ADCK1: variants seen among roughly 807,000 people sequenced by gnomAD.
The protein encoded by ADCK1 is aarF domain-containing protein kinase 1.
A neutral mutation model predicts 52.3 loss-of-function variants in ADCK1; 41 were observed. The ratio of observed to expected loss-of-function variants is 0.78; its 90% CI spans 0.61 to 1.02. The LOEUF is 1.02. Among genes scored for constraint, ADCK1 ranks in the 50% least tolerant of loss-of-function variants. ADCK1 has a pLI of 0.00. For synonymous variants in ADCK1, 250 were observed against 274.6 expected (o/e 0.91, Z 0.89); for missense variants, 658 against 679.5 (o/e 0.97, Z 0.35).
chr14:77,803,482 C>A (rs768255626), intron 1 of ADCK1, among the ~76,000 whole-genome samples: 17 of 152,146 alleles, frequency 1.1e-4, no homozygotes, highest in Non-Finnish European at 2.4e-4. Context: ...GTCAAGGGGA[C>A]GGACATTTCG....
intron 7 of ADCK1, among the ~76,000 whole-genome samples, chr14:77,921,326 CAAAAAAAAAAA>C (rs756056466): frequency 0.046 from 1,915 of 41,258 alleles, 85 homozygotes; most frequent in African/African-American, 0.12. Context: ...GACTCTGTCT[CAAAAAAAAAAA>C]AAAAAAAAAA....
chr14:77,819,010 G>T lies in ADCK1; in HGVS notation c.32G>T (p.Trp11Leu). The T allele has an allele frequency of 6.2e-7, 1 of 1,614,148 alleles. No individual in the cohort carries two copies. The change falls in exon 2 of 11, where the codon TGG (tryptophan) becomes TTG (leucine). Residue 11 changes from tryptophan (W) to leucine (L), a missense_variant. Trp to Leu is a moderately conservative substitution (Grantham distance 61, BLOSUM62 -2). Coordinates refer to ENST00000238561, the MANE Select transcript of ADCK1 (RefSeq NM_020421.4). ...AGAAAGGCTCTCAAGCTTGCTTCGT[G>T]GACCAGCATGGCTCTTGCTGCCTCT... Reference protein sequence around the residue: MARKALKLASWTSMALAASGI... With the variant: MARKALKLASLTSMALAASGI...
chr14:77,832,066 C>T (rs949518218), intron 3 of ADCK1, among the ~76,000 whole-genome samples: 1 of 151,978 alleles, frequency 6.6e-6, no homozygotes, highest in Non-Finnish European at 1.5e-5. Context: ...CAGCCTCTAC[C>T]TTCCGGGTTC....
chr14:77,867,852 A>G (rs1249557901), intron 4 of ADCK1, among the ~76,000 whole-genome samples: 1 of 152,236 alleles, frequency 6.6e-6, no homozygotes, highest in East Asian at 1.9e-4. Context: ...ATGTTTAAAC[A>G]GGGATGATAA....
intron 3 of ADCK1, among the ~76,000 whole-genome samples, chr14:77,843,673 G>T (rs965465964): frequency 6.6e-6 from 1 of 152,090 alleles, no homozygotes; most frequent in Non-Finnish European, 1.5e-5. Flanking sequence ...GTTTGCTGAG[G>T]GCTTGCACAG....
In ADCK1 at chr14:77,829,774, A is replaced by G. The variant is rs535200193; in HGVS notation, c.219+7256A>G. On this transcript the variant is annotated intron_variant, in intron 3 of 10. Coordinates refer to ENST00000238561, the MANE Select transcript of ADCK1 (RefSeq NM_020421.4). ...CTTACACTCTAAAATAGTTAAGACC[A>G]CTGAAGCATTCATGAGCAGAGACAA... Among the ~76,000 whole-genome samples, 12 of 151,528 alleles carry G rather than the reference A, an allele frequency of 7.9e-5. 1 individual carries two copies. In the South Asian group the frequency reaches 1.7e-3, roughly 21 times the overall value.
chr14:77,926,011 C>T, intron 9 of ADCK1, 50 bp downstream of exon 9: 1 of 1,607,128 alleles, frequency 6.2e-7, no homozygotes, highest in Non-Finnish European at 8.5e-7. Context: ...GAAGGCAGGG[C>T]TAGAGGTGGC....
At chr14:77,813,750 C>T (rs1460516664) in intron 1 of ADCK1, among the ~76,000 whole-genome samples, 5 of 152,010 alleles carry the variant, frequency 3.3e-5, no homozygotes. Flanking sequence ...TTCAGCAAAG[C>T]CTCTCTTTGT....
At chr14:77,869,932 C>T (rs565022888) in intron 4 of ADCK1, among the ~76,000 whole-genome samples, 13 of 152,294 alleles carry the variant, frequency 8.5e-5, no homozygotes, top group East Asian at 1.9e-4. Flanking sequence ...GATGTTGTAC[C>T]GGGTTAAATA....
At chr14:77,801,892 G>C (rs562953148) in intron 1 of ADCK1, among the ~76,000 whole-genome samples, 1 of 152,184 alleles carries the variant, frequency 6.6e-6, no homozygotes, top group South Asian at 2.1e-4. Context: ...AGTGAGCCGA[G>C]ATCGTGTCAC....
At chr14:77,916,651 T>C (rs1434338786) in intron 7 of ADCK1, among the ~76,000 whole-genome samples, 4 of 152,202 alleles carry the variant, frequency 2.6e-5, no homozygotes, top group African/African-American at 9.6e-5. Context: ...GGTTTCACCA[T>C]GTTGCCCAGG....
intron 6 of ADCK1, among the ~76,000 whole-genome samples, chr14:77,907,403 A>T (rs1320726197): frequency 3.3e-5 from 5 of 152,246 alleles, no homozygotes; most frequent in Admixed American, 1.3e-4. Context: ...CCTGGGTGAA[A>T]TATTGGAGGC....
chr14:77,839,036 T>A (rs932338372), intron 3 of ADCK1, among the ~76,000 whole-genome samples: 2 of 152,044 alleles, frequency 1.3e-5, no homozygotes, highest in African/African-American at 4.8e-5. Flanking sequence ...ACACACAGAG[T>A]GGTCTCAGTG....
chr14:77,804,247 A>T lies in ADCK1; in HGVS notation c.-12+4077A>T, dbSNP rs368984715. Among the ~76,000 whole-genome samples, 7 of 152,246 alleles carry T rather than the reference A, an allele frequency of 4.6e-5. No homozygotes were observed. In the East Asian group the frequency reaches 7.7e-4, roughly 17 times the overall value. On this transcript the variant is annotated intron_variant, in intron 1 of 10. Transcript: ENST00000238561. ...GTGATTCATTAACAAAGGGTTTAAT[A>T]AGGAAAAATGTTTTCAATTGACAGA...
rs553307781 is a variant in ADCK1 at position 77,817,766 on chromosome 14, C to T, written c.-11-1202C>T. ...TTTTTTTTTTTTTGAGACGGAGTCT[C>T]GCTCTGTCACCCAGGCTGGAGTGCA... On this transcript the variant is annotated intron_variant, in intron 1 of 10. Transcript: ENST00000238561. 4.7e-5 allele frequency among the ~76,000 whole-genome samples: 7 copies of T among 150,492 alleles called. No homozygotes were observed. The East Asian group carries it at 9.8e-4, about 21-fold the overall frequency.
chr14:77,869,912 G>A (rs1367736667), intron 4 of ADCK1, among the ~76,000 whole-genome samples: 1 of 152,134 alleles, frequency 6.6e-6, no homozygotes, highest in Non-Finnish European at 1.5e-5. Context: ...GATTGACTTA[G>A]CCTAAGTCAG....
At position 77,800,170 on chromosome 14, in the gene ADCK1, G is replaced by A. The variant is rs1019963076; in HGVS notation, c.-12G>A. 5 of 152,356 alleles carry A rather than the reference G, an allele frequency of 3.3e-5. 1 individual carries two copies. Among genetic ancestry groups the A allele is most frequent in the Non-Finnish European group, 5.9e-5 (4 of 68,122 alleles). The allele number at this position is 152,356 out of a possible 1,614,324, so 9.4% of individuals were successfully genotyped here. On this transcript the variant is annotated splice_region_variant and 5_prime_UTR_variant, in exon 1 of 11. Transcript: ENST00000238561. ...GGCGCCGCGGCTCTGCTTCCCTCGG[G>A]GTGAGTAGGGGCAGCTCGCCGGAGG...
chr14:77,858,307 G>A (rs868641708), intron 3 of ADCK1, among the ~76,000 whole-genome samples: 1 of 151,814 alleles, frequency 6.6e-6, no homozygotes, highest in East Asian at 1.9e-4. Context: ...GTATGATCTC[G>A]GCTCACTGCA....
Position 77,819,112 on chromosome 14 carries a change from C to T in ADCK1, c.134C>T (p.Thr45Met), listed in dbSNP as rs199563479. Residue 45 changes from threonine (T) to methionine (M), a missense_variant and splice_region_variant, in exon 2 of 11, where the codon ACG becomes ATG. Physicochemically the swap from Thr to Met is moderately conservative, Grantham distance 81. Coordinates refer to ENST00000238561, the MANE Select transcript of ADCK1 (RefSeq NM_020421.4). ...GTCAGGGTGGGCAGAGCAGTTGCTA[C>T]GGTAGGTTTTTCCCTTTTGGGGGTA... ...GAVRVGRAVA[T>M]TAVISYDYLT... is the part of the protein sequence containing the mutation. The T allele has an allele frequency of 2.5e-5, 39 of 1,560,986 alleles. No individual in the cohort carries two copies. The highest frequency in any genetic ancestry group is 1.7e-4 in the Middle Eastern group (1 of 5,954).
Sources: allele counts gnomAD v4.1 joint callset (sites outside exome capture counted in the v4.1 genomes callset), GRCh38; gene constraint gnomAD v4.1.1; transcripts MANE v1.5; gene names NCBI Gene and HGNC (gene_info 2026-07-23, HGNC 2026-07-21).